The following TSHZ2 variants were observed in gnomAD, a reference collection of about 807,000 sequenced individuals.
TSHZ2 encodes teashirt homolog 2.
In TSHZ2, 21 loss-of-function variants were observed where a neutral mutation model predicts 74.4. The observed-to-expected ratio is 0.28, with a 90% confidence interval of 0.20 to 0.41. TSHZ2 has a LOEUF of 0.41. TSHZ2 is among the 10% of genes least tolerant of loss of function. The probability of loss-of-function intolerance (pLI) is 1.00; values close to 1 mark genes in which losing one functional copy is unlikely to be tolerated. For missense variants in TSHZ2, 1,244 were observed against 1,293.5 expected, an observed-to-expected ratio of 0.96 and a Z score of 0.59; for synonymous variants, 540 against 515.3, an observed-to-expected ratio of 1.05 and a Z score of -0.65.
At chr20:53,063,758 ATG>A (rs1217958109) in intron 1 of TSHZ2, among the ~76,000 whole-genome samples, 2 of 152,214 alleles carry the variant, frequency 1.3e-5, no homozygotes, top group Admixed American at 6.5e-5. Context: ...GGAAATTTGA[ATG>A]TGTGTTTGTC....
chr20:53,190,037 A>G (rs2123538005), intron 1 of TSHZ2, among the ~76,000 whole-genome samples: 1 of 132,880 alleles, frequency 7.5e-6, no homozygotes, highest in African/African-American at 2.8e-5. Flanking sequence ...ATGAGCCATG[A>G]TCATGCCACT....
intron 2 of TSHZ2, among the ~76,000 whole-genome samples, chr20:53,469,607 A>G (rs1233599582): frequency 1.0e-5 from 1 of 98,532 alleles, no homozygotes; most frequent in African/African-American, 4.5e-5. Context: ...GACCCAAGAA[A>G]GATAGATAGA....
At chr20:53,422,091 G>C (rs1453660780) in intron 2 of TSHZ2, among the ~76,000 whole-genome samples, 2 of 152,090 alleles carry the variant, frequency 1.3e-5, no homozygotes, top group African/African-American at 2.4e-5. Context: ...AATGCAGTTC[G>C]TTGGGTTTCG....
intron 1 of TSHZ2, among the ~76,000 whole-genome samples, chr20:53,154,229 G>A (rs151338709): frequency 6.6e-6 from 1 of 152,300 alleles, no homozygotes; most frequent in Non-Finnish European, 1.5e-5. Flanking sequence ...CTAATGGGGA[G>A]TAAGTAGCAA....
chr20:53,434,717 A>G (rs940111922), intron 2 of TSHZ2, among the ~76,000 whole-genome samples: 2 of 152,120 alleles, frequency 1.3e-5, no homozygotes, highest in African/African-American at 4.8e-5. Context: ...ACACCATTAG[A>G]CTCTGCGTAG....
At chr20:53,382,696 A>G (rs1981902115) in intron 2 of TSHZ2, among the ~76,000 whole-genome samples, 1 of 152,234 alleles carries the variant, frequency 6.6e-6, no homozygotes, top group South Asian at 2.1e-4. Flanking sequence ...TATATCACTC[A>G]GCACTGCAGG....
chr20:53,372,889 G>A (rs1981528257), intron 2 of TSHZ2, among the ~76,000 whole-genome samples: 1 of 152,198 alleles, frequency 6.6e-6, no homozygotes, highest in Non-Finnish European at 1.5e-5. Context: ...ATACAGGGGA[G>A]GAAAAGCAAA....
intron 2 of TSHZ2, among the ~76,000 whole-genome samples, chr20:53,406,134 A>G (rs1568903513): frequency 6.8e-6 from 1 of 146,000 alleles, no homozygotes; most frequent in Non-Finnish European, 1.5e-5. Context: ...AAAGAGCAAG[A>G]GAGGATCAGG....
intron 2 of TSHZ2, among the ~76,000 whole-genome samples, chr20:53,426,973 A>G (rs974142305): frequency 1.3e-5 from 2 of 152,192 alleles, no homozygotes; most frequent in African/African-American, 4.8e-5. Context: ...TGGGGCACCA[A>G]TGATTAAACT....
intron 1 of TSHZ2, among the ~76,000 whole-genome samples, chr20:53,244,066 CCTT>C (rs1990140297): frequency 6.6e-6 from 1 of 152,138 alleles, no homozygotes; most frequent in South Asian, 2.1e-4. Flanking sequence ...AACAAGATCA[CCTT>C]CTAGCTCTGT....
In TSHZ2 at chr20:53,254,827, A is replaced by G; in HGVS notation, c.1369A>G (p.Thr457Ala). 6.2e-7 allele frequency: 1 copy of G among 1,613,972 alleles called. No homozygotes were observed. The highest frequency in any genetic ancestry group is 1.1e-5 in the South Asian group (1 of 91,044). The change falls in exon 2 of 3, where the codon ACA (threonine) becomes GCA (alanine). Residue 457 changes from threonine (T) to alanine (A), a missense_variant. Physicochemically the swap from Thr to Ala is moderately conservative, Grantham distance 58. Coordinates refer to ENST00000371497, the MANE Select transcript of TSHZ2 (RefSeq NM_173485.6). ...CTCAGCATCAGATTGTACAGCCTCT[A>G]CAACTGAGTTAAAGAAAGAGAGTAA... Reference protein sequence around the residue: ...SNSASDCTASTTELKKESKKE... With the variant: ...SNSASDCTASATELKKESKKE...
intron 1 of TSHZ2, among the ~76,000 whole-genome samples, chr20:53,025,825 C>A (rs570784780): frequency 6.6e-6 from 1 of 152,346 alleles, no homozygotes; most frequent in East Asian, 1.9e-4. Flanking sequence ...GCTTCCAATT[C>A]TCTCCTATTT....
At chr20:53,108,825 C>G (rs1986451465) in intron 1 of TSHZ2, among the ~76,000 whole-genome samples, 1 of 152,192 alleles carries the variant, frequency 6.6e-6, no homozygotes, top group African/African-American at 2.4e-5. Flanking sequence ...ATTTAAGAAA[C>G]AAAAGCAAAC....
chr20:53,243,517 T>C (rs552723693), intron 1 of TSHZ2, among the ~76,000 whole-genome samples: 165 of 152,278 alleles, frequency 1.1e-3, no homozygotes, highest in African/African-American at 1.9e-3. Context: ...GGAATGGAAA[T>C]GGTTCCCATT....
At chr20:53,108,747 G>C (rs768439385) in intron 1 of TSHZ2, among the ~76,000 whole-genome samples, 1 of 152,158 alleles carries the variant, frequency 6.6e-6, no homozygotes, top group Non-Finnish European at 1.5e-5. Flanking sequence ...ATTAATTTGA[G>C]TTTTCCCACA....
chr20:53,246,040 C>CTTTCTTTCTTTTTTTTTTTTT (rs796704423), intron 1 of TSHZ2, among the ~76,000 whole-genome samples: 1 of 130,648 alleles, frequency 7.7e-6, no homozygotes, highest in Non-Finnish European at 1.6e-5. Context: ...TTCTTTCTTT[C>CTTTCTTTCTTTTTTTTTTTTT]TTTTTTTTTT....
chr20:53,469,710 GAGAGAGGGAGGA>G (rs1297484491), intron 2 of TSHZ2, among the ~76,000 whole-genome samples: 1 of 81,966 alleles, frequency 1.2e-5, no homozygotes. Context: ...GATAGAGAAA[GAGAGAGGGAGGA>G]AGGGAGGGAG....
intron 1 of TSHZ2, among the ~76,000 whole-genome samples, chr20:53,086,057 T>G (rs1985690879): frequency 6.6e-6 from 1 of 152,236 alleles, no homozygotes; most frequent in African/African-American, 2.4e-5. Flanking sequence ...GGAGGCCGTG[T>G]CTTCTGGTCT....
intron 2 of TSHZ2, among the ~76,000 whole-genome samples, chr20:53,308,437 G>A (rs760964801): frequency 1.8e-4 from 28 of 152,116 alleles, no homozygotes; most frequent in Non-Finnish European, 2.8e-4. Flanking sequence ...AGGGCGTCTC[G>A]ATGGTGATGT....
Sources: gnomAD v4.1 joint callset for allele counts (sites outside exome capture counted in the v4.1 genomes callset) on GRCh38, gnomAD v4.1.1 for gene constraint, MANE v1.5 for transcripts, NCBI Gene and HGNC (gene_info 2026-07-23, HGNC 2026-07-21) for gene names.